The following LAMB1 variants were observed in gnomAD, a reference collection of about 807,000 sequenced individuals.
LAMB1 encodes the protein laminin subunit beta 1.
LAMB1 carries 121 observed loss-of-function variants against 222.3 expected under a neutral mutation model. That is an observed-to-expected ratio of 0.54 (90% CI 0.47 to 0.63). The LOEUF (loss-of-function observed/expected upper bound fraction) is 0.63, where lower values mean the gene tolerates loss of function less well. Ranked by LOEUF, LAMB1 falls within the 30% of genes least tolerant of loss-of-function variation. The pLI, the probability that LAMB1 is intolerant of heterozygous loss-of-function variation, is 0.00. For missense variants in LAMB1, 2,172 were observed against 2,240.8 expected, an observed-to-expected ratio of 0.97 and a Z score of 0.62; for synonymous variants, 794 against 807.2, an observed-to-expected ratio of 0.98 and a Z score of 0.28.
In LAMB1 at chr7:107,952,035, G is replaced by C. The variant is rs1408882601; in HGVS notation, c.3268C>G (p.His1090Asp). ...TCATTGCAAGATGGCCCGAAGGAAT[G>C]AGCAGCATTGCAGTTGCATGGGTCA... ...GCDPCNCNAA[H>D]SFGPSCNEFT... Residue 1090 changes from histidine (H) to aspartate (D), a missense_variant, in exon 23 of 34, where the codon CAT becomes GAT. Coordinates refer to ENST00000222399, the MANE Select transcript of LAMB1 (RefSeq NM_002291.3). 6 of 1,613,154 alleles carry C rather than the reference G, an allele frequency of 3.7e-6. No individual in the cohort carries two copies. The highest frequency in any genetic ancestry group is 4.2e-6 in the Non-Finnish European group (5 of 1,179,536).
Position 107,978,034 on chromosome 7 carries a change from A to C in LAMB1, c.1000+13T>G, listed in dbSNP as rs2033901968. On this transcript the variant is annotated intron_variant, in intron 9 of 33. Coordinates refer to ENST00000222399, the MANE Select transcript of LAMB1 (RefSeq NM_002291.3). ...CTGAATGGATTTAAAATGTCCCTTCAACACAGACTTACTTTTACAGGCGTT... is the reference window on the plus strand; with the variant it reads ...CTGAATGGATTTAAAATGTCCCTTCCACACAGACTTACTTTTACAGGCGTT... The C allele has an allele frequency of 6.2e-7, 1 of 1,614,150 alleles. No individual in the cohort carries two copies. Among genetic ancestry groups the C allele is most frequent in the Non-Finnish European group, 8.5e-7 (1 of 1,179,988 alleles).
intron 9 of LAMB1, among the ~76,000 whole-genome samples, chr7:107,977,818 T>C (rs548265946): frequency 6.6e-6 from 1 of 152,236 alleles, no homozygotes; most frequent in South Asian, 2.1e-4. Context: ...AGTTTTCTAC[T>C]GTAGCTGCCA....
At chr7:107,955,183 T>G (rs2033348553) in intron 21 of LAMB1, among the ~76,000 whole-genome samples, 1 of 152,220 alleles carries the variant, frequency 6.6e-6, no homozygotes, top group South Asian at 2.1e-4. Flanking sequence ...AAACTTAAGT[T>G]AATCTTTCTA....
At chr7:107,991,347 G>A (rs1180008316) in intron 5 of LAMB1, among the ~76,000 whole-genome samples, 3 of 152,082 alleles carry the variant, frequency 2.0e-5, no homozygotes, top group Non-Finnish European at 2.9e-5. Flanking sequence ...CTGCACTTTG[G>A]GAGGCAGAGG....
At position 107,940,269 on chromosome 7, in the gene LAMB1, G is replaced by T; in HGVS notation, c.3481C>A (p.Arg1161Ser). 6.2e-7 allele frequency: 1 copy of T among 1,614,200 alleles called. No individual in the cohort carries two copies. Residue 1161 changes from arginine to serine, a missense_variant, in exon 25 of 34, where the codon CGC (arginine) becomes AGC (serine). Transcript: ENST00000222399. Reference protein sequence around the residue: ...CVCVEGVEGPRCDKCTRGYSG... With the variant: ...CVCVEGVEGPSCDKCTRGYSG... ...TACCCTCGCGTGCACTTGTCACAGC[G>T]TGGACCCTCAACACCCTCAACGCAG... is the stretch of plus-strand genomic sequence containing the variant.
At chr7:107,925,126 TTC>T (rs961710069) in intron 32 of LAMB1, among the ~76,000 whole-genome samples, 1 of 152,176 alleles carries the variant, frequency 6.6e-6, no homozygotes, top group African/African-American at 2.4e-5. Flanking sequence ...CATTGTTTTG[TTC>T]TCTTTCCCAA....
intron 20 of LAMB1, among the ~76,000 whole-genome samples, chr7:107,956,486 G>A (rs1448420486): frequency 1.3e-5 from 2 of 152,150 alleles, no homozygotes; most frequent in African/African-American, 4.8e-5. Flanking sequence ...GGCTTCATCT[G>A]GCCCCTCACT....
rs374991496 is a variant in LAMB1 at position 107,940,059 on chromosome 7, T to C, written c.3691A>G (p.Lys1231Glu). Residue 1231 changes from lysine to glutamate, a missense_variant, in exon 25 of 34, where the codon AAA becomes GAA. By Grantham distance (56) the Lys-to-Glu change is moderately conservative (BLOSUM62 1). Transcript: ENST00000222399. ...DSVERKVSEI[K>E]DILAQSPAAE... The stretch of plus-strand genomic sequence containing the variant: ...GCGGGGCTCTGCGCCAGGATGTCTT[T>C]TATCTCGCTGACTTTCCTCTCCACC... The C allele has an allele frequency of 1.2e-6, 2 of 1,614,076 alleles. No individual in the cohort carries two copies. Among genetic ancestry groups the C allele is most frequent in the African/African-American group, 2.7e-5 (2 of 74,940 alleles).
chr7:107,984,913 A>T (rs1185796031), intron 7 of LAMB1, among the ~76,000 whole-genome samples: 1 of 152,220 alleles, frequency 6.6e-6, no homozygotes, highest in Non-Finnish European at 1.5e-5. Context: ...ACTGGGCATC[A>T]TCCTGTATTT....
intron 5 of LAMB1, among the ~76,000 whole-genome samples, chr7:107,993,467 A>G (rs926119371): frequency 6.6e-6 from 1 of 151,992 alleles, no homozygotes; most frequent in South Asian, 2.1e-4. Context: ...TCTCAGTTCA[A>G]TCATCACCCC....
At position 107,987,202 on chromosome 7, in the gene LAMB1, A is replaced by T. The variant is rs188451185; in HGVS notation, c.424-839T>A. Among the ~76,000 whole-genome samples, 730 of 152,378 alleles carry T rather than the reference A, an allele frequency of 4.8e-3. 7 individuals are homozygous for T. Among genetic ancestry groups the T allele is most frequent in the Non-Finnish European group, 7.9e-3 (536 of 68,042 alleles). On this transcript the variant is annotated intron_variant, in intron 5 of 33. Transcript: ENST00000222399. ...TGCTAAGAGAAATAAGCCACACAAA[A>T]GGACAAATATTGTGTGATTCCACTT...
At chr7:107,965,988 C>T (rs1000027723) in intron 13 of LAMB1, among the ~76,000 whole-genome samples, 8 of 151,744 alleles carry the variant, frequency 5.3e-5, no homozygotes, top group Non-Finnish European at 1.2e-4. Context: ...ATCTCAGCTA[C>T]TCGGGAGGCT....
intron 4 of LAMB1, among the ~76,000 whole-genome samples, chr7:107,998,114 T>C (rs765386260): frequency 6.6e-6 from 1 of 152,192 alleles, no homozygotes; most frequent in Non-Finnish European, 1.5e-5. Context: ...CCCCTCAGAA[T>C]AAGGACTATG....
intron 24 of LAMB1, among the ~76,000 whole-genome samples, chr7:107,947,293 C>CT (rs1185544853): frequency 6.6e-6 from 1 of 152,202 alleles, no homozygotes; most frequent in African/African-American, 2.4e-5. Context: ...TTAAATCTTT[C>CT]TATAAGCATA....
chr7:107,949,060 G>A (rs1485118455), intron 24 of LAMB1, among the ~76,000 whole-genome samples: 1 of 152,186 alleles, frequency 6.6e-6, no homozygotes, highest in Admixed American at 6.5e-5. Context: ...CTTACGTAAT[G>A]AGCTGACCTT....
intron 8 of LAMB1, among the ~76,000 whole-genome samples, chr7:107,978,858 G>A (rs2033920284): frequency 6.6e-6 from 1 of 152,090 alleles, no homozygotes; most frequent in South Asian, 2.1e-4. Flanking sequence ...CGACCCTTGA[G>A]GCATATAAAT....
chr7:107,957,108 G>A (rs137914967), intron 20 of LAMB1, among the ~76,000 whole-genome samples: 9 of 152,224 alleles, frequency 5.9e-5, no homozygotes, highest in South Asian at 2.1e-4. Context: ...TGGATATTCC[G>A]GCCAGGTGCG....
intron 7 of LAMB1, among the ~76,000 whole-genome samples, chr7:107,983,840 A>G (rs974103670): frequency 1.3e-5 from 2 of 151,890 alleles, no homozygotes; most frequent in South Asian, 2.1e-4. Flanking sequence ...ATTACCATAC[A>G]TGCCTCCCAA....
Position 107,924,323 on chromosome 7 carries a change from CTT to C in LAMB1, c.5129_5130del (p.Glu1710GlyfsTer4). 6.2e-7 allele frequency: 1 copy of C among 1,612,906 alleles called. No homozygotes were observed. Among genetic ancestry groups the C allele is most frequent in the Non-Finnish European group, 8.5e-7 (1 of 1,179,448 alleles). On this transcript the variant is annotated frameshift_variant, in exon 33 of 34. Transcript: ENST00000222399. LOFTEE classifies it high-confidence loss of function. ...KVENLIAKKT[E>X]ESADARRKAE... Reference sequence around the variant, plus strand: ...GCTTTCCTTCTGGCATCAGCTGACTCTTCAGTTTTTTTGGCAATTAAATTTTC... The same window carrying C: ...GCTTTCCTTCTGGCATCAGCTGACTCCAGTTTTTTTGGCAATTAAATTTTC...
Sources: gnomAD v4.1 joint callset for allele counts (sites outside exome capture counted in the v4.1 genomes callset) on GRCh38, gnomAD v4.1.1 for gene constraint, MANE v1.5 for transcripts, NCBI Gene and HGNC (gene_info 2026-07-23, HGNC 2026-07-21) for gene names.